The following NCKAP5 variants were observed in gnomAD, a reference collection of about 807,000 sequenced individuals.
NCKAP5 encodes the protein NCK associated protein 5, also known as nck-associated protein 5.
NCKAP5 carries 92 observed loss-of-function variants against 167.0 expected under a neutral mutation model. The ratio of observed to expected loss-of-function variants is 0.55; its 90% CI spans 0.47 to 0.66. The LOEUF (loss-of-function observed/expected upper bound fraction) is 0.66. Among genes scored for constraint, NCKAP5 ranks in the 30% least tolerant of loss-of-function variants. NCKAP5 has a pLI of 0.00. For missense variants in NCKAP5, 2,378 were observed against 2,315.0 expected (o/e 1.03, Z -0.56); for synonymous variants, 891 against 877.4 (o/e 1.02, Z -0.27).
At chr2:133,440,437 C>G (rs1012616674) in intron 3 of NCKAP5, among the ~76,000 whole-genome samples, 2 of 151,922 alleles carry the variant, frequency 1.3e-5, no homozygotes, top group African/African-American at 4.8e-5. Context: ...AAGGCCAGGC[C>G]CAGTGGCTCA....
chr2:133,292,793 C>G (rs916899162), intron 4 of NCKAP5, among the ~76,000 whole-genome samples: 2 of 152,126 alleles, frequency 1.3e-5, no homozygotes, highest in African/African-American at 4.8e-5. Flanking sequence ...GTAAATCTAT[C>G]TTTTAAGTAC....
chr2:132,946,174 C>T (rs1030747088), intron 8 of NCKAP5, among the ~76,000 whole-genome samples: 1 of 152,120 alleles, frequency 6.6e-6, no homozygotes, highest in Admixed American at 6.5e-5. Context: ...CCATGTGATC[C>T]CCCCTCAGGT....
chr2:132,738,869 A>G (rs1273001297), intron 16 of NCKAP5, among the ~76,000 whole-genome samples: 1 of 152,058 alleles, frequency 6.6e-6, no homozygotes, highest in African/African-American at 2.4e-5. Flanking sequence ...GAGATCTCAC[A>G]CATTACTTCA....
intron 7 of NCKAP5, among the ~76,000 whole-genome samples, chr2:132,974,442 G>C (rs922343676): frequency 1.5e-4 from 23 of 152,136 alleles, no homozygotes; most frequent in African/African-American, 5.1e-4. Context: ...AGTGAGTTCA[G>C]ACATACAATT....
intron 11 of NCKAP5, among the ~76,000 whole-genome samples, chr2:132,815,173 C>A (rs1686168025): frequency 6.6e-6 from 1 of 152,132 alleles, no homozygotes; most frequent in African/African-American, 2.4e-5. Context: ...GCAAAGTTAT[C>A]TTTCTCTGAG....
At chr2:133,067,865 A>G (rs936540959) in intron 6 of NCKAP5, among the ~76,000 whole-genome samples, 43 of 152,180 alleles carry the variant, frequency 2.8e-4, no homozygotes, top group African/African-American at 9.4e-4. Context: ...TGAAATTAAC[A>G]ATAGAATTGG....
At chr2:133,382,252 T>C (rs1686581718) in intron 3 of NCKAP5, among the ~76,000 whole-genome samples, 1 of 152,200 alleles carries the variant, frequency 6.6e-6, no homozygotes, top group Non-Finnish European at 1.5e-5. Flanking sequence ...CCTACCCCAT[T>C]ACTATGGTAG....
At chr2:133,462,019 T>C (rs749022536) in intron 3 of NCKAP5, among the ~76,000 whole-genome samples, 2 of 152,252 alleles carry the variant, frequency 1.3e-5, no homozygotes, top group Non-Finnish European at 2.9e-5. Context: ...TTATGTTCTA[T>C]GGGAAAATAA....
At chr2:132,999,487 G>A (rs951729089) in intron 6 of NCKAP5, among the ~76,000 whole-genome samples, 2 of 152,122 alleles carry the variant, frequency 1.3e-5, no homozygotes, top group Non-Finnish European at 2.9e-5. Flanking sequence ...CTCAAGAGCT[G>A]GTCCGTCTAG....
chr2:133,610,653 A>G, the NCKAP5 span, among the ~76,000 whole-genome samples: 10 of 152,178 alleles, frequency 6.6e-5, no homozygotes, highest in Non-Finnish European at 1.5e-4. Flanking sequence ...GCTCCAAAAC[A>G]GACTAACATT....
At chr2:132,736,962 T>C (rs969895450) in intron 16 of NCKAP5, among the ~76,000 whole-genome samples, 15 of 152,194 alleles carry the variant, frequency 9.9e-5, no homozygotes, top group African/African-American at 3.6e-4. Flanking sequence ...TCTCTGATTC[T>C]GGTCAACCCT....
chr2:133,224,265 C>T (rs543291283), intron 4 of NCKAP5, among the ~76,000 whole-genome samples: 2 of 152,294 alleles, frequency 1.3e-5, no homozygotes, highest in East Asian at 1.9e-4. Flanking sequence ...AGGTAAGTCC[C>T]TAGAAGGCTG....
chr2:132,878,463 G>A (rs1442058500), intron 9 of NCKAP5, among the ~76,000 whole-genome samples: 2 of 152,038 alleles, frequency 1.3e-5, no homozygotes, highest in Admixed American at 6.6e-5. Context: ...AGCATGCCCC[G>A]ACATGGTTCT....
intron 7 of NCKAP5, among the ~76,000 whole-genome samples, chr2:132,990,511 C>T (rs1338551220): frequency 1.3e-5 from 2 of 152,324 alleles, no homozygotes; most frequent in African/African-American, 4.8e-5. Context: ...TCTGAGAGCA[C>T]ATGTTACCTT....
intron 11 of NCKAP5, among the ~76,000 whole-genome samples, chr2:132,830,592 C>T (rs1687453279): frequency 6.6e-6 from 1 of 152,110 alleles, no homozygotes; most frequent in Admixed American, 6.5e-5. Context: ...ACAGATGAGC[C>T]TGTTCTTCCC....
chr2:133,456,505 A>C lies in NCKAP5; in HGVS notation c.69+60953T>G, dbSNP rs568361246. On this transcript the variant is annotated intron_variant, in intron 3 of 19. Coordinates refer to ENST00000409261, the MANE Select transcript of NCKAP5 (RefSeq NM_207363.3). ...AGGAGTGCAGGCTCCTGATGACATC[A>C]AGGAGTCATCCATATCACCTGTAAT... Among the ~76,000 whole-genome samples the C allele has an allele frequency of 7.9e-5, 12 of 152,312 alleles. No homozygotes were observed. The South Asian group carries it at 2.5e-3, about 32-fold the overall frequency.
At chr2:133,640,582 A>T in the NCKAP5 span, among the ~76,000 whole-genome samples, 1 of 152,314 alleles carries the variant, frequency 6.6e-6, no homozygotes, top group Non-Finnish European at 1.5e-5. Context: ...AATAAACTAA[A>T]CAACCCCTAT....
intron 6 of NCKAP5, among the ~76,000 whole-genome samples, chr2:133,121,622 T>C (rs1282471671): frequency 6.6e-6 from 1 of 152,200 alleles, no homozygotes; most frequent in Non-Finnish European, 1.5e-5. Context: ...AGAGCTCCTA[T>C]ACATTGCTAC....
chr2:133,441,266 G>A (rs77737892), intron 3 of NCKAP5, among the ~76,000 whole-genome samples: 1,653 of 152,288 alleles, frequency 0.011, 17 homozygotes, highest in Non-Finnish European at 0.017. Context: ...TGGAGTTGAC[G>A]CTATACCTGA....
Sources: allele counts gnomAD v4.1 joint callset (sites outside exome capture counted in the v4.1 genomes callset), GRCh38; gene constraint gnomAD v4.1.1; transcripts MANE v1.5; gene names NCBI Gene and HGNC (gene_info 2026-07-23, HGNC 2026-07-21).